Variants in TRPM3 observed in about 807,000 individuals in gnomAD.
The protein encoded by TRPM3 is long transient receptor potential channel 3.
Under a neutral mutation model 181.2 loss-of-function variants are expected in TRPM3, and 77 were observed. That is an observed-to-expected ratio of 0.42 (90% CI 0.35 to 0.51). The LOEUF (loss-of-function observed/expected upper bound fraction) is 0.51. Among genes scored for constraint, TRPM3 ranks in the 20% least tolerant of loss-of-function variants. TRPM3 has a pLI of 0.01. For synonymous variants in TRPM3, 745 were observed against 796.4 expected, an observed-to-expected ratio of 0.94 and a Z score of 1.09; for missense variants, 1,759 against 2,196.7, an observed-to-expected ratio of 0.80 and a Z score of 3.98.
chr9:71,089,775 T>C (rs1354034179), intron 1 of TRPM3, among the ~76,000 whole-genome samples: 1 of 152,064 alleles, frequency 6.6e-6, no homozygotes, highest in African/African-American at 2.4e-5. Flanking sequence ...ACTCAGCGGA[T>C]GTCCTGAGCA....
rs184205750 is a variant in TRPM3, at chr9:71,042,787, T to C, written c.177+78391A>G. Among the ~76,000 whole-genome samples the C allele has an allele frequency of 3.0e-4, 45 of 152,242 alleles. No individual in the cohort carries two copies. The East Asian group carries it at 5.6e-3, about 19-fold the overall frequency. On this transcript the variant is annotated intron_variant, in intron 1 of 25. Transcript: ENST00000677713. ...TTCAAACAGCAGAGTCCTTAAAAGG[T>C]TTTGAATAAGAAAGGAAAAACGTAA...
intron 8 of TRPM3, among the ~76,000 whole-genome samples, chr9:70,697,065 G>A (rs1281995291): frequency 6.6e-6 from 1 of 152,084 alleles, no homozygotes; most frequent in African/African-American, 2.4e-5. Flanking sequence ...AAGAAGCAAA[G>A]CAGCGTCCTT....
At chr9:70,566,118 C>T (rs2050516212) in intron 22 of TRPM3, among the ~76,000 whole-genome samples, 1 of 151,972 alleles carries the variant, frequency 6.6e-6, no homozygotes, top group African/African-American at 2.4e-5. Context: ...AGAAAAGAAA[C>T]AATAGCATAA....
chr9:70,993,784 CAAAAA>C (rs745913831), intron 1 of TRPM3, among the ~76,000 whole-genome samples: 2 of 66,752 alleles, frequency 3.0e-5, no homozygotes, highest in South Asian at 1.2e-3. Context: ...GATTCCATCT[CAAAAA>C]AAAAAAAAAA....
chr9:71,423,827 T>C (rs368580002), intron 1 of TRPM3, among the ~76,000 whole-genome samples: 1 of 152,118 alleles, frequency 6.6e-6, no homozygotes, highest in African/African-American at 2.4e-5. Flanking sequence ...GGAGATGACT[T>C]TGGACCCTTA....
chr9:71,152,522 TA>T (rs1161537434), intron 1 of TRPM3, among the ~76,000 whole-genome samples: 1 of 152,106 alleles, frequency 6.6e-6, no homozygotes, highest in Admixed American at 6.5e-5. Context: ...CCAATGAAAA[TA>T]ACACAAATAA....
intron 1 of TRPM3, among the ~76,000 whole-genome samples, chr9:71,198,946 G>A (rs1230697234): frequency 1.7e-5 from 2 of 117,856 alleles, no homozygotes; most frequent in Non-Finnish European, 3.8e-5. Context: ...TCCCTGTCTT[G>A]TGCCAGTTTT....
At chr9:70,974,336 G>C (rs2097278276) in intron 1 of TRPM3, among the ~76,000 whole-genome samples, 1 of 152,052 alleles carries the variant, frequency 6.6e-6, no homozygotes, top group Non-Finnish European at 1.5e-5. Flanking sequence ...TCAGGAGATC[G>C]AGACCAGCCT....
chr9:70,590,874 C>T, intron 22 of TRPM3, 157 bp downstream of exon 22: 1 of 878,956 alleles, frequency 1.1e-6, no homozygotes, highest in East Asian at 2.6e-5. Context: ...TGTGTATTCA[C>T]CTTCTGTAAT....
intron 25 of TRPM3, among the ~76,000 whole-genome samples, chr9:70,539,214 A>C (rs2042585848): frequency 6.6e-6 from 1 of 152,146 alleles, no homozygotes. Flanking sequence ...AATGACAGCA[A>C]CACTTCTATT....
intron 3 of TRPM3, among the ~76,000 whole-genome samples, chr9:70,859,137 A>G (rs2095461899): frequency 6.6e-6 from 1 of 152,168 alleles, no homozygotes; most frequent in Non-Finnish European, 1.5e-5. Flanking sequence ...GCTGCCAGCC[A>G]TCGGAAGGGA....
chr9:70,626,432 G>T (rs1351625114), intron 12 of TRPM3, among the ~76,000 whole-genome samples: 3 of 152,174 alleles, frequency 2.0e-5, no homozygotes, highest in Non-Finnish European at 4.4e-5. Flanking sequence ...ATCCACTTTT[G>T]TCCTTAATGA....
At chr9:71,428,201 C>T (rs2093899321) in intron 1 of TRPM3, among the ~76,000 whole-genome samples, 1 of 151,838 alleles carries the variant, frequency 6.6e-6, no homozygotes, top group Non-Finnish European at 1.5e-5. Flanking sequence ...AAACAATTCT[C>T]CTGCCTCAAC....
At chr9:70,918,440 G>T (rs896741919) in intron 1 of TRPM3, among the ~76,000 whole-genome samples, 1 of 152,046 alleles carries the variant, frequency 6.6e-6, no homozygotes, top group African/African-American at 2.4e-5. Context: ...TGACCACAAT[G>T]AAATAAAACC....
At chr9:70,643,196 C>A (rs1466506838) in intron 9 of TRPM3, among the ~76,000 whole-genome samples, 2 of 152,174 alleles carry the variant, frequency 1.3e-5, no homozygotes, top group African/African-American at 4.8e-5. Context: ...AGAAATGTGT[C>A]AAAATGTTCT....
At chr9:71,384,564 T>C (rs2092883719) in intron 1 of TRPM3, among the ~76,000 whole-genome samples, 1 of 152,178 alleles carries the variant, frequency 6.6e-6, no homozygotes, top group African/African-American at 2.4e-5. Context: ...GCCCGAAAAT[T>C]CCGTTGTTGC....
rs193025368 is a variant in TRPM3, at chr9:71,416,138, G to A, written c.183+30515C>T. ...ACCTGGTAGTTTAACCTATAGTATC[G>A]AAGCATCATTTGGGATTTGGCACCT... On this transcript the variant is annotated intron_variant, in intron 1 of 24. Coordinates refer to the TRPM3 transcript ENST00000357533. Among the ~76,000 whole-genome samples the A allele has an allele frequency of 3.4e-3, 511 of 151,376 alleles. 3 individuals are homozygous for A. The highest frequency in any genetic ancestry group is 0.01 in the Middle Eastern group (3 of 294).
Position 70,606,629 on chromosome 9 carries a change from T to TTGTGTG in TRPM3, c.2668-3165_2668-3160dup, listed in dbSNP as rs774974386. On this transcript the variant is annotated intron_variant, in intron 19 of 25. Transcript: ENST00000677713. ...ATTATCTTGACATGACATGCTTTAATTGTGTGTGTGTGTGTGTGTGTGTAT... is the reference window on the plus strand; with the variant it reads ...ATTATCTTGACATGACATGCTTTAATTGTGTGTGTGTGTGTGTGTGTGTGTGTGTAT... Among the ~76,000 whole-genome samples the TTGTGTG allele has an allele frequency of 1.4e-3, 203 of 141,338 alleles. 1 individual carries two copies. Among genetic ancestry groups the TTGTGTG allele is most frequent in the African/African-American group, 1.9e-3 (74 of 38,324 alleles). The allele number at this position is 141,338 out of a possible 152,430, so 92.7% of individuals were successfully genotyped here.
intron 5 of TRPM3, among the ~76,000 whole-genome samples, chr9:70,828,523 T>C (rs2093690934): frequency 6.6e-6 from 1 of 152,156 alleles, no homozygotes; most frequent in South Asian, 2.1e-4. Flanking sequence ...AAATCAACAT[T>C]ATTCTTACTA....
Sources: gnomAD v4.1 joint callset for allele counts (sites outside exome capture counted in the v4.1 genomes callset) on GRCh38, gnomAD v4.1.1 for gene constraint, MANE v1.5 for transcripts, NCBI Gene and HGNC (gene_info 2026-07-23, HGNC 2026-07-21) for gene names.